NHS: variants seen among roughly 807,000 people sequenced by gnomAD.
NHS encodes NHS actin remodeling regulator.
NHS carries 5 observed loss-of-function variants against 72.5 expected under a neutral mutation model. The observed-to-expected ratio is 0.07, with a 90% CI of 0.04 to 0.14. The LOEUF (loss-of-function observed/expected upper bound fraction) is 0.14, where lower values mean the gene tolerates loss of function less well. NHS is among the 10% of genes least tolerant of loss of function. The pLI, the probability that NHS is intolerant of heterozygous loss-of-function variation, is 1.00. For missense variants in NHS, 1,072 were observed against 1,355.7 expected, an observed-to-expected ratio of 0.79 and a Z score of 3.29; for synonymous variants, 464 against 547.7, an observed-to-expected ratio of 0.85 and a Z score of 2.13.
chrX:17,378,053 A>G (rs1482145189), intron 1 of NHS, among the ~76,000 whole-genome samples: 1 of 63,064 alleles, frequency 1.6e-5, no homozygotes, highest in African/African-American at 9.7e-5. Flanking sequence ...TGGTGCATAC[A>G]TTTCCCGTGT....
intron 1 of NHS, among the ~76,000 whole-genome samples, chrX:17,597,316 G>T (rs1398804912): frequency 9.2e-6 from 1 of 108,969 alleles, no homozygotes; most frequent in Non-Finnish European, 1.9e-5. Flanking sequence ...TCGTAGAGAC[G>T]GGGTTTCACT....
At chrX:17,394,935 AT>A (rs1331053644) in intron 1 of NHS, among the ~76,000 whole-genome samples, 1 of 111,597 alleles carries the variant, frequency 9.0e-6, no homozygotes, top group African/African-American at 3.3e-5. Context: ...TGTGATGGAA[AT>A]ATTATAATAT....
At chrX:17,442,623 G>A (rs1348426356) in intron 1 of NHS, among the ~76,000 whole-genome samples, 1 of 112,212 alleles carries the variant, frequency 8.9e-6, no homozygotes, top group Non-Finnish European at 1.9e-5. Flanking sequence ...CAGACAATTC[G>A]GGTCATTATT....
chrX:17,438,498 C>A (rs1050805185), intron 1 of NHS, among the ~76,000 whole-genome samples: 2 of 111,772 alleles, frequency 1.8e-5, no homozygotes, highest in Non-Finnish European at 1.9e-5. Flanking sequence ...TGAGACCTTG[C>A]TGTTCCCAGA....
intron 1 of NHS, among the ~76,000 whole-genome samples, chrX:17,526,081 A>G (rs1470040376): frequency 8.9e-6 from 1 of 112,892 alleles, no homozygotes; most frequent in Non-Finnish European, 1.9e-5. Context: ...AAGAAGTTTC[A>G]AAAACATTGC....
chrX:17,454,483 G>C (rs1025870926), intron 1 of NHS, among the ~76,000 whole-genome samples: 4 of 112,020 alleles, frequency 3.6e-5, no homozygotes, highest in Non-Finnish European at 7.5e-5. Context: ...CAATCCATTC[G>C]CTCATTCTGC....
At chrX:17,486,881 A>G (rs1009569039) in intron 1 of NHS, among the ~76,000 whole-genome samples, 11 of 111,497 alleles carry the variant, frequency 9.9e-5, no homozygotes, top group African/African-American at 3.6e-4. Flanking sequence ...AACTTATCTA[A>G]CCACCATAGC....
rs987022371 is a variant in NHS at position 17,539,616 on chromosome X, T to G, written c.566-148126T>G. On this transcript the variant is annotated intron_variant, in intron 1 of 8. Coordinates refer to ENST00000676302, the MANE Select transcript of NHS (RefSeq NM_001291867.2). ...GTCTGGGACCTTTCTGCCCTAAAAT[T>G]GAAGCATCCCCAGGGAAGTTTCTCC... 6.3e-5 allele frequency among the ~76,000 whole-genome samples: 7 copies of G among 111,243 alleles called. No individual in the cohort carries two copies. The South Asian group carries it at 2.3e-3, about 37-fold the overall frequency.
At chrX:17,470,303 C>T (rs1220691605) in intron 1 of NHS, among the ~76,000 whole-genome samples, 2 of 111,046 alleles carry the variant, frequency 1.8e-5, no homozygotes, top group Non-Finnish European at 3.8e-5. Flanking sequence ...CTCCCACGCA[C>T]TGCCCGTTTC....
rs763453377 is a variant in NHS, at chrX:17,468,742, A to G, written c.565+92420A>G. Reference sequence around the variant, plus strand: ...TAATTTAAAAAAATTTTTTGTAGAGACAGGGTCCCGGTATGTTGCCCAAGC... The same window carrying G: ...TAATTTAAAAAAATTTTTTGTAGAGGCAGGGTCCCGGTATGTTGCCCAAGC... On this transcript the variant is annotated intron_variant, in intron 1 of 8. Transcript: ENST00000676302. Among the ~76,000 whole-genome samples the G allele has an allele frequency of 4.5e-5, 5 of 110,531 alleles. No homozygotes were observed. The South Asian group carries it at 2.0e-3, about 43-fold the overall frequency.
chrX:17,605,384 T>C (rs1312253648), intron 1 of NHS, among the ~76,000 whole-genome samples: 1 of 111,764 alleles, frequency 8.9e-6, no homozygotes, highest in East Asian at 2.8e-4. Flanking sequence ...GAAATGCATC[T>C]TCCACACAGA....
At chrX:17,565,057 T>C (rs1337831645) in intron 1 of NHS, among the ~76,000 whole-genome samples, 1 of 104,603 alleles carries the variant, frequency 9.6e-6, no homozygotes, top group African/African-American at 3.9e-5. Flanking sequence ...TGGGCTGACT[T>C]TGTGACTTGC....
intron 1 of NHS, among the ~76,000 whole-genome samples, chrX:17,615,138 GTA>G (rs1182819974): frequency 2.3e-5 from 2 of 87,268 alleles, no homozygotes; most frequent in African/African-American, 8.7e-5. Context: ...ACATATGTGT[GTA>G]TATATATACG....
chrX:17,701,136 C>A (rs2066261360), intron 3 of NHS, among the ~76,000 whole-genome samples: 1 of 111,921 alleles, frequency 8.9e-6, no homozygotes, highest in African/African-American at 3.3e-5. Context: ...TACCATATAG[C>A]CTAGGTATGT....
At chrX:17,390,894 G>C (rs937650015) in intron 1 of NHS, among the ~76,000 whole-genome samples, 2 of 111,968 alleles carry the variant, frequency 1.8e-5, no homozygotes, top group African/African-American at 6.5e-5. Flanking sequence ...TGAGAAATGG[G>C]GTTCACTTAC....
chrX:17,485,606 C>T (rs979360914), intron 1 of NHS, among the ~76,000 whole-genome samples: 7 of 110,645 alleles, frequency 6.3e-5, no homozygotes, highest in African/African-American at 2.3e-4. Flanking sequence ...TTGATCCCTG[C>T]TCCTGCCAGG....
At chrX:17,604,510 C>T (rs1002938286) in intron 1 of NHS, among the ~76,000 whole-genome samples, 7 of 111,815 alleles carry the variant, frequency 6.3e-5, no homozygotes, top group Non-Finnish European at 1.1e-4. Flanking sequence ...CCTGCAACAG[C>T]GATCCTTTAT....
chrX:17,717,903 G>A (rs762691381), intron 3 of NHS, among the ~76,000 whole-genome samples: 29 of 111,926 alleles, frequency 2.6e-4, no homozygotes, highest in Non-Finnish European at 4.5e-4. Context: ...TCACTCCAAC[G>A]AAAGCAAATA....
intron 1 of NHS, among the ~76,000 whole-genome samples, chrX:17,519,674 A>G (rs1430425907): frequency 9.0e-6 from 1 of 111,545 alleles, no homozygotes; most frequent in Non-Finnish European, 1.9e-5. Flanking sequence ...CAGGGTGGCT[A>G]TCAGATTAAA....
Sources: allele counts gnomAD v4.1 joint callset (sites outside exome capture counted in the v4.1 genomes callset), GRCh38; gene constraint gnomAD v4.1.1; transcripts MANE v1.5; gene names NCBI Gene and HGNC (gene_info 2026-07-23, HGNC 2026-07-21).